The following LRMDA variants were observed in gnomAD, a reference collection of about 807,000 sequenced individuals.
LRMDA encodes leucine rich melanocyte differentiation associated.
A neutral mutation model predicts 29.8 loss-of-function variants in LRMDA; 18 were observed. The observed-to-expected ratio is 0.60, with a 90% CI of 0.42 to 0.90. LRMDA has a LOEUF of 0.90. Ranked by LOEUF, LRMDA falls within the 40% of genes least tolerant of loss-of-function variation. LRMDA has a pLI of 0.00. For missense variants in LRMDA, 273 were observed against 273.9 expected, an observed-to-expected ratio of 1.00 and a Z score of 0.02; for synonymous variants, 125 against 109.4, an observed-to-expected ratio of 1.14 and a Z score of -0.89.
chr10:76,550,616 C>G (rs569241675), intron 6 of LRMDA, among the ~76,000 whole-genome samples: 1 of 152,174 alleles, frequency 6.6e-6, no homozygotes, highest in African/African-American at 2.4e-5. Flanking sequence ...TGAAGTCCTG[C>G]TCAGCTAGGT....
intron 2 of LRMDA, among the ~76,000 whole-genome samples, chr10:75,499,992 G>A (rs1845093445): frequency 1.3e-5 from 2 of 152,190 alleles, no homozygotes; most frequent in Admixed American, 6.5e-5. Context: ...TTTCCTCATC[G>A]GTTGAGAAAA....
At chr10:75,848,089 A>T (rs541305155) in intron 2 of LRMDA, among the ~76,000 whole-genome samples, 29 of 152,322 alleles carry the variant, frequency 1.9e-4, no homozygotes, top group South Asian at 1.7e-3. Context: ...TCAAAGCAAG[A>T]TCTGGAAGGG....
chr10:75,461,050 C>G (rs1844578707), intron 2 of LRMDA, among the ~76,000 whole-genome samples: 1 of 152,190 alleles, frequency 6.6e-6, no homozygotes, highest in Non-Finnish European at 1.5e-5. Context: ...TCAGCCATAG[C>G]TAGGTTCGTG....
rs35733567 is a variant in LRMDA, at chr10:76,418,328, T to TTGTG, written c.601+93863_601+93866dup. ...ACTCAATAATAATTTTTAGTTTTTC[T>TTGTG]TGTGTGTGTGTGTGTGTGTGTGTAT... On this transcript the variant is annotated intron_variant, in intron 6 of 6. Transcript: ENST00000611255. 8.8e-4 allele frequency among the ~76,000 whole-genome samples: 131 copies of TTGTG among 149,630 alleles called. 1 individual carries two copies. The highest frequency in any genetic ancestry group is 5.9e-3 in the South Asian group (28 of 4,722).
At chr10:75,956,801 C>T (rs1247121356) in intron 2 of LRMDA, among the ~76,000 whole-genome samples, 4 of 152,200 alleles carry the variant, frequency 2.6e-5, no homozygotes, top group Non-Finnish European at 5.9e-5. Flanking sequence ...CATCAACTTG[C>T]ACACAGCACT....
intron 6 of LRMDA, among the ~76,000 whole-genome samples, chr10:76,549,441 GAGCATTGGAGTCAA>G (rs1392644291): frequency 1.3e-5 from 2 of 152,180 alleles, no homozygotes; most frequent in Non-Finnish European, 2.9e-5. Flanking sequence ...GGACGGGTCT[GAGCATTGGAGTCAA>G]ATGCCCTCTT....
intron 2 of LRMDA, among the ~76,000 whole-genome samples, chr10:75,460,990 C>T (rs1844577855): frequency 6.6e-6 from 1 of 152,030 alleles, no homozygotes; most frequent in Admixed American, 6.5e-5. Flanking sequence ...ATCATTATAA[C>T]AAAAAAGGTT....
chr10:75,930,561 A>G (rs1846190404), intron 2 of LRMDA, among the ~76,000 whole-genome samples: 1 of 152,170 alleles, frequency 6.6e-6, no homozygotes, highest in African/African-American at 2.4e-5. Flanking sequence ...TGCTGGTTTC[A>G]GTGATTGTGA....
rs529921199 is a variant in LRMDA, at chr10:76,057,342, A to G, written c.399-1324A>G. Among the ~76,000 whole-genome samples, 178 of 152,320 alleles carry G rather than the reference A, an allele frequency of 1.2e-3. 1 individual carries two copies. The highest frequency in any genetic ancestry group is 1.6e-3 in the Non-Finnish European group (111 of 68,026). On this transcript the variant is annotated intron_variant, in intron 4 of 6. Coordinates refer to ENST00000611255, the MANE Select transcript of LRMDA (RefSeq NM_001305581.2). Reference sequence around the variant, plus strand: ...ATGTTGTAATCACATCTGTATCCCTAAGGCCTGGCACATAGTAGGTGATCA... The same window carrying G: ...ATGTTGTAATCACATCTGTATCCCTGAGGCCTGGCACATAGTAGGTGATCA...
At chr10:76,289,974 T>C (rs755612448) in intron 5 of LRMDA, among the ~76,000 whole-genome samples, 2 of 152,180 alleles carry the variant, frequency 1.3e-5, no homozygotes, top group Admixed American at 1.3e-4. Context: ...GGTTCTCCAA[T>C]GCCTGCAAGG....
intron 2 of LRMDA, among the ~76,000 whole-genome samples, chr10:75,790,425 T>C (rs4746330): frequency 0.39 from 59,793 of 152,050 alleles, 13,389 homozygotes; most frequent in South Asian, 0.52. Context: ...GAATTGCAGA[T>C]GTTGCTAAAA....
At chr10:76,270,041 A>G (rs758926769) in intron 5 of LRMDA, among the ~76,000 whole-genome samples, 1 of 152,230 alleles carries the variant, frequency 6.6e-6, no homozygotes, top group Non-Finnish European at 1.5e-5. Context: ...GTTCCCCGTC[A>G]GTATTTACAA....
chr10:76,115,380 G>C (rs902366831), intron 5 of LRMDA, among the ~76,000 whole-genome samples: 7 of 152,176 alleles, frequency 4.6e-5, no homozygotes, highest in African/African-American at 1.4e-4. Flanking sequence ...ATGTGGATTG[G>C]CGAGGCCAAG....
chr10:75,595,786 A>T (rs1281489485), intron 2 of LRMDA, among the ~76,000 whole-genome samples: 1 of 151,228 alleles, frequency 6.6e-6, no homozygotes. Context: ...CTAGGAAATA[A>T]ATTCATAAAA....
chr10:75,894,017 A>T (rs1388467809), intron 2 of LRMDA, among the ~76,000 whole-genome samples: 1 of 151,248 alleles, frequency 6.6e-6, no homozygotes, highest in African/African-American at 2.4e-5. Flanking sequence ...ATAATACTTG[A>T]TTTTTTAATT....
intron 2 of LRMDA, among the ~76,000 whole-genome samples, chr10:75,812,022 AAACATATTGTTTCCCTTTAG>A (rs1346032954): frequency 6.6e-6 from 1 of 151,610 alleles, no homozygotes; most frequent in Non-Finnish European, 1.5e-5. Flanking sequence ...CGTTGAAGTG[AAACATATTGTTTCCCTTTAG>A]AATGCCATTA....
intron 2 of LRMDA, among the ~76,000 whole-genome samples, chr10:75,722,146 G>A (rs1042814354): frequency 6.6e-6 from 1 of 152,110 alleles, no homozygotes; most frequent in African/African-American, 2.4e-5. Flanking sequence ...ATGGGTATCA[G>A]TGGCCCATGA....
At chr10:76,223,104 T>C (rs1487417181) in intron 5 of LRMDA, among the ~76,000 whole-genome samples, 45 of 136,852 alleles carry the variant, frequency 3.3e-4, no homozygotes, top group Admixed American at 2.1e-3. Flanking sequence ...CATCACACTG[T>C]GGGGACTGTT....
chr10:75,892,788 G>C (rs1190801783), intron 2 of LRMDA, among the ~76,000 whole-genome samples: 1 of 152,080 alleles, frequency 6.6e-6, no homozygotes, highest in East Asian at 1.9e-4. Flanking sequence ...AGGGGCCTAA[G>C]GAATCACAGA....
Sources: allele counts gnomAD v4.1 joint callset (sites outside exome capture counted in the v4.1 genomes callset), GRCh38; gene constraint gnomAD v4.1.1; transcripts MANE v1.5; gene names NCBI Gene and HGNC (gene_info 2026-07-23, HGNC 2026-07-21).